CSMD1: variants seen among roughly 807,000 people sequenced by gnomAD.
CSMD1 encodes the protein CUB and sushi domain-containing protein 1.
CSMD1 carries 213 observed loss-of-function variants against 417.5 expected under a neutral mutation model. The observed-to-expected ratio is 0.51, with a 90% confidence interval of 0.46 to 0.57. CSMD1 has a LOEUF of 0.57. Ranked by LOEUF, CSMD1 falls within the 20% of genes least tolerant of loss-of-function variation. The probability of loss-of-function intolerance (pLI) is 0.00; values close to 1 mark genes in which losing one functional copy is unlikely to be tolerated. For missense variants in CSMD1, 6,923 were observed against 4,529.7 expected (o/e 1.53, Z -15.17); for synonymous variants, 2,862 against 1,736.8 (o/e 1.65, Z -16.11).
intron 1 of CSMD1, among the ~76,000 whole-genome samples, chr8:4,977,690 C>G (rs1252077746): frequency 2.6e-5 from 4 of 152,168 alleles, no homozygotes; most frequent in Non-Finnish European, 5.9e-5. Context: ...TAAGTGAGCG[C>G]CTCCTAAGGA....
chr8:4,521,650 G>T (rs1200872632), intron 2 of CSMD1, among the ~76,000 whole-genome samples: 1 of 152,132 alleles, frequency 6.6e-6, no homozygotes, highest in African/African-American at 2.4e-5. Flanking sequence ...GAAAAAGGTG[G>T]CCCTCAGGTC....
intron 3 of CSMD1, among the ~76,000 whole-genome samples, chr8:4,197,503 T>C (rs1799407362): frequency 6.6e-6 from 1 of 152,200 alleles, no homozygotes; most frequent in Admixed American, 6.5e-5. Context: ...TGACTCTCTG[T>C]CAAGTAAGAC....
chr8:3,060,290 C>T (rs990455585), intron 49 of CSMD1, among the ~76,000 whole-genome samples: 30 of 152,034 alleles, frequency 2.0e-4, no homozygotes, highest in African/African-American at 6.3e-4. Context: ...GGATTACAGG[C>T]GTGCACCACT....
chr8:4,912,963 A>T (rs1473388143), intron 1 of CSMD1, among the ~76,000 whole-genome samples: 2 of 151,994 alleles, frequency 1.3e-5, no homozygotes, highest in African/African-American at 4.8e-5. Flanking sequence ...TTTGTTTTGT[A>T]TTTTTAGTAG....
chr8:3,210,812 C>G (rs1224044080), intron 30 of CSMD1, among the ~76,000 whole-genome samples: 1 of 151,594 alleles, frequency 6.6e-6, no homozygotes, highest in Non-Finnish European at 1.5e-5. Flanking sequence ...TTATCACTCC[C>G]CACAAATTCA....
At chr8:4,673,788 T>C (rs962958036) in intron 1 of CSMD1, among the ~76,000 whole-genome samples, 2 of 152,154 alleles carry the variant, frequency 1.3e-5, no homozygotes, top group African/African-American at 4.8e-5. Flanking sequence ...ATTAAGTTTG[T>C]ATGAAGTGTT....
At chr8:4,047,184 G>T (rs1192162396) in intron 3 of CSMD1, among the ~76,000 whole-genome samples, 1 of 152,164 alleles carries the variant, frequency 6.6e-6, no homozygotes, top group Non-Finnish European at 1.5e-5. Context: ...CCTGTGCTGG[G>T]CCAGATGCTC....
chr8:3,866,825 T>A (rs1805137822), intron 5 of CSMD1, among the ~76,000 whole-genome samples: 1 of 152,128 alleles, frequency 6.6e-6, no homozygotes, highest in African/African-American at 2.4e-5. Context: ...GGACTTCAAA[T>A]CGGTATTAAT....
chr8:4,117,630 A>G (rs1165943532), intron 3 of CSMD1, among the ~76,000 whole-genome samples: 2 of 152,222 alleles, frequency 1.3e-5, no homozygotes. Context: ...AAGGTGTGTT[A>G]AAACGCTGAA....
intron 26 of CSMD1, among the ~76,000 whole-genome samples, chr8:3,281,627 GA>G (rs200932366): frequency 0.019 from 2,910 of 152,266 alleles, 70 homozygotes; most frequent in South Asian, 0.1. Context: ...TTCAGGAAAA[GA>G]CAAAACTATG....
intron 26 of CSMD1, among the ~76,000 whole-genome samples, chr8:3,282,574 G>C (rs562374115): frequency 6.0e-4 from 91 of 152,202 alleles, no homozygotes; most frequent in Non-Finnish European, 9.9e-4. Flanking sequence ...TATAATTTTG[G>C]AGTAAAGGAC....
At chr8:4,100,691 A>G (rs1801260887) in intron 3 of CSMD1, among the ~76,000 whole-genome samples, 1 of 152,156 alleles carries the variant, frequency 6.6e-6, no homozygotes, top group Non-Finnish European at 1.5e-5. Context: ...TCATACTGGG[A>G]GACTCTTTAA....
intron 23 of CSMD1, among the ~76,000 whole-genome samples, chr8:3,309,372 G>A (rs978253406): frequency 1.4e-5 from 2 of 147,806 alleles, no homozygotes; most frequent in Admixed American, 1.4e-4. Context: ...ACTCCTGATG[G>A]TGCATGGTTA....
chr8:3,808,754 G>C (rs150667612), intron 5 of CSMD1, among the ~76,000 whole-genome samples: 1 of 152,166 alleles, frequency 6.6e-6, no homozygotes, highest in Non-Finnish European at 1.5e-5. Context: ...AGCCTTGCAA[G>C]AACACGAGTT....
intron 5 of CSMD1, among the ~76,000 whole-genome samples, chr8:3,975,361 T>C (rs1585061822): frequency 6.6e-6 from 1 of 152,260 alleles, no homozygotes; most frequent in East Asian, 1.9e-4. Flanking sequence ...TATAATAATG[T>C]TATGTTTCTT....
intron 46 of CSMD1, among the ~76,000 whole-genome samples, chr8:3,098,815 C>T (rs1175995161): frequency 6.6e-6 from 1 of 152,162 alleles, no homozygotes; most frequent in African/African-American, 2.4e-5. Flanking sequence ...CCAGGGCTTT[C>T]CTTGGCTCTG....
chr8:4,824,028 A>C (rs1799669489), intron 1 of CSMD1, among the ~76,000 whole-genome samples: 1 of 151,858 alleles, frequency 6.6e-6, no homozygotes, highest in Non-Finnish European at 1.5e-5. Flanking sequence ...ATGCACACAC[A>C]AACATCCATG....
chr8:4,295,051 C>T (rs1413903827), intron 3 of CSMD1, among the ~76,000 whole-genome samples: 1 of 95,588 alleles, frequency 1.0e-5, no homozygotes, highest in African/African-American at 3.2e-5. Context: ...ATATATTATA[C>T]ACATATAATC....
At chr8:4,006,191 T>C (rs369973353) in intron 4 of CSMD1, among the ~76,000 whole-genome samples, 22 of 152,168 alleles carry the variant, frequency 1.4e-4, no homozygotes, top group African/African-American at 4.8e-4. Flanking sequence ...TGCATTCTCA[T>C]GCAGTTGCTG....
Sources: allele counts gnomAD v4.1 joint callset (sites outside exome capture counted in the v4.1 genomes callset), GRCh38; gene constraint gnomAD v4.1.1; transcripts MANE v1.5; gene names NCBI Gene and HGNC (gene_info 2026-07-23, HGNC 2026-07-21).